Variants in AFF1 observed in about 807,000 individuals in gnomAD.
The protein encoded by AFF1 is ALF transcription elongation factor 1, also known as AF4/FMR2 family member 1.
In AFF1, 48 loss-of-function variants were observed where a neutral mutation model predicts 121.7. The observed-to-expected ratio is 0.39, with a 90% CI of 0.31 to 0.50. The LOEUF (loss-of-function observed/expected upper bound fraction) is 0.50. Ranked by LOEUF, AFF1 falls within the 20% of genes least tolerant of loss-of-function variation. The pLI, the probability that AFF1 is intolerant of heterozygous loss-of-function variation, is 0.76. For synonymous variants in AFF1, 613 were observed against 563.0 expected, an observed-to-expected ratio of 1.09 and a Z score of -1.26; for missense variants, 1,523 against 1,511.7, an observed-to-expected ratio of 1.01 and a Z score of -0.12.
rs1171617040 is a variant in AFF1, at chr4:87,089,967, TC to T, written c.1105-15del. The T allele has an allele frequency of 1.2e-6, 2 of 1,602,306 alleles. No homozygotes were observed. The highest frequency in any genetic ancestry group is 2.7e-5 in the African/African-American group (2 of 74,668). ...TTTATAATTTACTTTTTCTTCCCTT[TC>T]CAAATATCTTTCCAGGAAATGACCC... On this transcript the variant is annotated splice_polypyrimidine_tract_variant and intron_variant, in intron 5 of 20. Transcript: ENST00000395146.
At chr4:87,114,003 T>C (rs1726819847) in intron 11 of AFF1, among the ~76,000 whole-genome samples, 1 of 152,238 alleles carries the variant, frequency 6.6e-6, no homozygotes, top group African/African-American at 2.4e-5. Context: ...GAAATGATTT[T>C]TTACTCATTT....
chr4:87,013,688 T>C (rs1344823689), intron 2 of AFF1, among the ~76,000 whole-genome samples: 1 of 148,146 alleles, frequency 6.8e-6, no homozygotes, highest in Non-Finnish European at 1.5e-5. Flanking sequence ...TTTTTTTAAG[T>C]ATTGCTTACT....
rs771926697 is a variant in AFF1, at chr4:87,108,365, C to T, written c.1533+50C>T. ...CCACCTTAGATGGCAGCATTCTGTC[C>T]TTTGAAGTTAGAGTCAGTGCTGTGG... On this transcript the variant is annotated intron_variant, in intron 11 of 20. Transcript: ENST00000395146. 3.1e-6 allele frequency: 5 copies of T among 1,588,288 alleles called. No individual in the cohort carries two copies. The African/African-American group carries it at 5.4e-5, about 17-fold the overall frequency.
chr4:86,954,790 G>T (rs991508978), intron 2 of AFF1, among the ~76,000 whole-genome samples: 1 of 152,148 alleles, frequency 6.6e-6, no homozygotes, highest in South Asian at 2.1e-4. Context: ...CATCATAAAG[G>T]TCTTCATTCT....
rs1728082717 is a variant in AFF1 at position 87,124,968 on chromosome 4, A to G, written c.2467-69A>G. Reference sequence around the variant, plus strand: ...CCTTTACCCTCTTTGCCTTTTCTATATTTTCTTTTCTGTTTTGTCTGTACA... The same window carrying G: ...CCTTTACCCTCTTTGCCTTTTCTATGTTTTCTTTTCTGTTTTGTCTGTACA... On this transcript the variant is annotated intron_variant, in intron 12 of 20. Coordinates refer to ENST00000395146, the MANE Select transcript of AFF1 (RefSeq NM_001166693.3). The G allele has an allele frequency of 3.0e-6, 4 of 1,347,032 alleles. No individual in the cohort carries two copies. The South Asian group carries it at 4.8e-5, about 16-fold the overall frequency. The allele number at this position is 1,347,032 out of a possible 1,614,324, so 83.4% of individuals were successfully genotyped here.
chr4:86,937,996 G>C lies in AFF1; in HGVS notation c.-37+2756G>C, dbSNP rs552381008. ...GGGGTGAAAAAATTGAGCTTAGAAA[G>C]GGTAAACTTGTTTTCAATATTTTTT... On this transcript the variant is annotated intron_variant, in intron 1 of 20. Transcript: ENST00000395146. 1.1e-4 allele frequency among the ~76,000 whole-genome samples: 17 copies of C among 152,306 alleles called. No individual in the cohort carries two copies. The South Asian group carries it at 3.5e-3, about 32-fold the overall frequency.
intron 2 of AFF1, among the ~76,000 whole-genome samples, chr4:86,991,161 A>C (rs1268413742): frequency 6.8e-6 from 1 of 148,076 alleles, no homozygotes; most frequent in Non-Finnish European, 1.5e-5. Flanking sequence ...CAAAACAAAA[A>C]AAAACCGGCG....
chr4:87,130,741 A>C (rs996064609), intron 16 of AFF1, among the ~76,000 whole-genome samples: 3 of 152,242 alleles, frequency 2.0e-5, no homozygotes, highest in African/African-American at 7.2e-5. Context: ...CATGTGGAAT[A>C]ATCTGTTTCT....
At chr4:87,134,881 AGCTGAG>A (rs1729171034) in intron 20 of AFF1, among the ~76,000 whole-genome samples, 187 bp downstream of exon 20, 2 of 152,164 alleles carry the variant, frequency 1.3e-5, no homozygotes, top group African/African-American at 2.4e-5. Context: ...TGTGGCATGG[AGCTGAG>A]TTTCTGTGGC....
intron 1 of AFF1, among the ~76,000 whole-genome samples, chr4:86,941,300 C>T (rs1720434827): frequency 6.6e-6 from 1 of 152,144 alleles, no homozygotes; most frequent in African/African-American, 2.4e-5. Flanking sequence ...TGCATGAGCT[C>T]ATGAGTTTGA....
At chr4:87,118,431 C>T (rs1180034587) in intron 12 of AFF1, among the ~76,000 whole-genome samples, 1 of 152,236 alleles carries the variant, frequency 6.6e-6, no homozygotes, top group Non-Finnish European at 1.5e-5. Context: ...TGAATTTCAT[C>T]AGTCTGATTA....
chr4:86,950,035 G>A (rs1026147807), intron 2 of AFF1: 8 of 1,614,002 alleles, frequency 5.0e-6, no homozygotes, highest in Non-Finnish European at 6.8e-6. Flanking sequence ...CGTAGGTAGG[G>A]GGAGTGTAGA....
intron 8 of AFF1, among the ~76,000 whole-genome samples, chr4:87,098,121 G>C (rs1007481500): frequency 1.2e-4 from 18 of 152,178 alleles, no homozygotes; most frequent in African/African-American, 4.3e-4. Flanking sequence ...AAGTGGAATA[G>C]GACATATAAG....
chr4:87,132,490 C>T, intron 19 of AFF1, 82 bp downstream of exon 19: 7 of 1,399,456 alleles, frequency 5.0e-6, no homozygotes, highest in Non-Finnish European at 6.7e-6. Context: ...CATTTGTATG[C>T]TTACATATGT....
chr4:87,085,191 A>G (rs566456271), intron 5 of AFF1, among the ~76,000 whole-genome samples: 1 of 152,320 alleles, frequency 6.6e-6, no homozygotes, highest in South Asian at 2.1e-4. Flanking sequence ...ATTCCAGGGG[A>G]AAAATGTTAA....
At position 87,047,043 on chromosome 4, in the gene AFF1, C is replaced by T. The variant is rs770012308; in HGVS notation, c.508C>T (p.Arg170Cys). Residue 170 changes from arginine to cysteine, a missense_variant, in exon 4 of 21, where the codon CGC becomes TGC. By Grantham distance (180) the Arg-to-Cys change is radical. Transcript: ENST00000395146. ...GGACAGCCAGCACCTGACCCAGGAT[C>T]GCCTTGGTCAGGAGGGGTTCGGCTC... ...PPDSQHLTQDRLGQEGFGSSH... is the reference protein window; with the variant it reads ...PPDSQHLTQDCLGQEGFGSSH... 98 of 1,614,070 alleles carry T rather than the reference C, an allele frequency of 6.1e-5. 1 individual carries two copies. In the South Asian group the frequency reaches 8.9e-4, roughly 15 times the overall value.
At chr4:86,992,512 C>A (rs969960116) in intron 2 of AFF1, among the ~76,000 whole-genome samples, 13 of 152,248 alleles carry the variant, frequency 8.5e-5, no homozygotes, top group Non-Finnish European at 4.4e-5. Context: ...TATGTGAATT[C>A]CCAAGTGACA....
chr4:87,024,542 AC>A (rs1728337908), intron 2 of AFF1, among the ~76,000 whole-genome samples: 1 of 152,068 alleles, frequency 6.6e-6, no homozygotes, highest in Admixed American at 6.6e-5. Flanking sequence ...TGTGGATGGA[AC>A]CTTTTTGTAT....
intron 2 of AFF1, among the ~76,000 whole-genome samples, chr4:86,951,619 T>TC (rs1721333005): frequency 3.0e-5 from 1 of 33,000 alleles, no homozygotes; most frequent in Non-Finnish European, 1.1e-4. Flanking sequence ...TTTTTTCTTT[T>TC]TTTCTTTTTT....
Sources: allele counts gnomAD v4.1 joint callset (sites outside exome capture counted in the v4.1 genomes callset), GRCh38; gene constraint gnomAD v4.1.1; transcripts MANE v1.5; gene names NCBI Gene and HGNC (gene_info 2026-07-23, HGNC 2026-07-21).